TRIM71: variants seen among roughly 807,000 people sequenced by gnomAD.
TRIM71 encodes tripartite motif containing 71.
TRIM71 carries 9 observed loss-of-function variants against 61.2 expected under a neutral mutation model. The observed-to-expected ratio is 0.15, with a 90% CI of 0.09 to 0.26. TRIM71 has a LOEUF of 0.26. Among genes scored for constraint, TRIM71 ranks in the 10% least tolerant of loss-of-function variants. The pLI is 1.00. For synonymous variants in TRIM71, 645 were observed against 553.2 expected (o/e 1.17, Z -2.33); for missense variants, 998 against 1,238.7 (o/e 0.81, Z 2.92).
chr3:32,841,416 GCCTCTAAT>G (rs1319489970), intron 1 of TRIM71, among the ~76,000 whole-genome samples: 1 of 152,070 alleles, frequency 6.6e-6, no homozygotes, highest in Non-Finnish European at 1.5e-5. Flanking sequence ...GGTGGCTCAC[GCCTCTAAT>G]CCCAGCACTT....
Position 32,818,811 on chromosome 3 carries a change from G to T in TRIM71, c.731G>T (p.Gly244Val), listed in dbSNP as rs900192116. ...CACTACATCGAGCGCGGCCCGCCGG[G>T]TCCCGGTGCCGCAGCAGCGGCGCAG... ...KDHYIERGPP[G>V]PGAAAAAQQL... The change falls in exon 1 of 4, where the codon GGT becomes GTT. Residue 244 changes from glycine to valine, a missense_variant. Gly to Val is a moderately radical substitution (Grantham distance 109, BLOSUM62 -3). Around this residue, in one of 5 missense-constraint regions of TRIM71, gnomAD observed 527 missense variants for 427.8 expected, o/e 1.23. Coordinates refer to ENST00000383763, the MANE Select transcript of TRIM71 (RefSeq NM_001039111.3). 4 of 1,609,688 alleles carry T rather than the reference G, an allele frequency of 2.5e-6. No individual in the cohort carries two copies. The highest frequency in any genetic ancestry group is 3.4e-6 in the Non-Finnish European group (4 of 1,178,458).
At chr3:32,826,079 CT>C (rs1696197726) in intron 1 of TRIM71, among the ~76,000 whole-genome samples, 1 of 152,148 alleles carries the variant, frequency 6.6e-6, no homozygotes, top group African/African-American at 2.4e-5. Flanking sequence ...CATCTCTTGC[CT>C]TCCTCATGCT....
chr3:32,840,910 C>A (rs1696396649), intron 1 of TRIM71, among the ~76,000 whole-genome samples: 1 of 152,146 alleles, frequency 6.6e-6, no homozygotes, highest in African/African-American at 2.4e-5. Context: ...AGTGAGCCAG[C>A]TTTTATCTTA....
intron 1 of TRIM71, among the ~76,000 whole-genome samples, chr3:32,859,559 A>G (rs926279517): frequency 1.1e-4 from 16 of 152,112 alleles, no homozygotes; most frequent in Non-Finnish European, 2.1e-4. Flanking sequence ...TGCCTGGCCA[A>G]CTTTGGGGTT....
intron 2 of TRIM71, among the ~76,000 whole-genome samples, chr3:32,878,859 C>G (rs1046839309): frequency 5.9e-5 from 9 of 152,192 alleles, no homozygotes; most frequent in African/African-American, 2.2e-4. Context: ...TGAAGCCAGG[C>G]ATTGACTTCT....
At chr3:32,823,944 G>T (rs1308126727) in intron 1 of TRIM71, among the ~76,000 whole-genome samples, 3 of 151,874 alleles carry the variant, frequency 2.0e-5, no homozygotes, top group Admixed American at 2.0e-4. Flanking sequence ...GCGTGGTGGC[G>T]CGTGCCTGTA....
rs1363866215 is a variant in TRIM71, at chr3:32,879,140, ATC to A, written c.1020+5160_1020+5161del. ...AGCTTCAAACTTCTGCAGCTTCCTC[ATC>A]TCTCACCCTTCATAGCATTGAAGAG... is the stretch of plus-strand genomic sequence containing the variant. On this transcript the variant is annotated intron_variant, in intron 2 of 3. Transcript: ENST00000383763. 3.9e-5 allele frequency among the ~76,000 whole-genome samples: 6 copies of A among 152,286 alleles called. No individual in the cohort carries two copies. The East Asian group carries it at 1.2e-3, about 29-fold the overall frequency.
At chr3:32,819,013 C>T in intron 1 of TRIM71, 81 bp downstream of exon 1, 1 of 1,487,792 alleles carries the variant, frequency 6.7e-7, no homozygotes, top group Non-Finnish European at 9.2e-7. Flanking sequence ...GGTCCCACAG[C>T]GAGGGGAGGA....
chr3:32,843,828 G>A (rs1397821752), intron 1 of TRIM71, among the ~76,000 whole-genome samples: 1 of 152,096 alleles, frequency 6.6e-6, no homozygotes. Flanking sequence ...TGCAGAGCCG[G>A]CCCAGAAAGC....
intron 1 of TRIM71, among the ~76,000 whole-genome samples, chr3:32,854,598 CAAG>C (rs1200978133): frequency 6.6e-6 from 1 of 152,202 alleles, no homozygotes; most frequent in Non-Finnish European, 1.5e-5. Flanking sequence ...AGGCCTTACT[CAAG>C]GAGGAAACAA....
chr3:32,888,747 C>T (rs1696990063), intron 3 of TRIM71, among the ~76,000 whole-genome samples: 1 of 152,138 alleles, frequency 6.6e-6, no homozygotes, highest in Non-Finnish European at 1.5e-5. Flanking sequence ...ACTATGTTGG[C>T]CAGACTGGTT....
chr3:32,886,048 G>A lies in TRIM71; in HGVS notation c.1135G>A (p.Glu379Lys). Residue 379 changes from glutamate to lysine, a missense_variant, in exon 3 of 4, where the codon GAG becomes AAG. By Grantham distance (56) the Glu-to-Lys change is moderately conservative. Coordinates refer to ENST00000383763, the MANE Select transcript of TRIM71 (RefSeq NM_001039111.3). ...ARHKKALEERECELLWKVEKI... is the reference protein window; with the variant it reads ...ARHKKALEERKCELLWKVEKI... ...GCATAAGAAAGCCCTGGAGGAACGC[G>A]AGTGTGAGCTGCTGTGGAAGGTAAC... 2 of 1,613,760 alleles carry A rather than the reference G, an allele frequency of 1.2e-6. No individual in the cohort carries two copies. The highest frequency in any genetic ancestry group is 1.7e-6 in the Non-Finnish European group (2 of 1,179,844).
At chr3:32,862,934 ATAATAT>A (rs1210774369) in intron 1 of TRIM71, among the ~76,000 whole-genome samples, 1 of 152,192 alleles carries the variant, frequency 6.6e-6, no homozygotes, top group Non-Finnish European at 1.5e-5. Context: ...ATAACTTAAG[ATAATAT>A]TTATAGTAGA....
chr3:32,865,192 G>T (rs2125686325), intron 1 of TRIM71, among the ~76,000 whole-genome samples: 1 of 152,240 alleles, frequency 6.6e-6, no homozygotes, highest in Admixed American at 6.5e-5. Context: ...AGCTGGGTGT[G>T]GTGGCACGCG....
At chr3:32,863,188 A>G (rs968468007) in intron 1 of TRIM71, among the ~76,000 whole-genome samples, 26 of 135,280 alleles carry the variant, frequency 1.9e-4, no homozygotes, top group African/African-American at 7.3e-4. Flanking sequence ...AGGAGTATTA[A>G]TTGAACCTTT....
At chr3:32,825,233 AAG>A (rs1235622616) in intron 1 of TRIM71, among the ~76,000 whole-genome samples, 1 of 152,222 alleles carries the variant, frequency 6.6e-6, no homozygotes, top group East Asian at 1.9e-4. Flanking sequence ...TCACTGAAAA[AAG>A]GAACTAATAA....
intron 1 of TRIM71, among the ~76,000 whole-genome samples, chr3:32,851,506 C>G (rs531670519): frequency 6.6e-5 from 10 of 152,256 alleles, no homozygotes; most frequent in East Asian, 5.8e-4. Context: ...TTGAGACAGT[C>G]TTGCTCTGTC....
At chr3:32,821,338 C>T (rs1269582877) in intron 1 of TRIM71, among the ~76,000 whole-genome samples, 3 of 152,118 alleles carry the variant, frequency 2.0e-5, no homozygotes, top group Admixed American at 6.6e-5. Context: ...CCACAGGCTC[C>T]GTTAAATAAT....
At chr3:32,827,040 C>T (rs1024049676) in intron 1 of TRIM71, among the ~76,000 whole-genome samples, 3 of 152,084 alleles carry the variant, frequency 2.0e-5, no homozygotes, top group African/African-American at 7.2e-5. Flanking sequence ...CTGGTATTAA[C>T]AGGCATGAGC....
Sources: allele counts gnomAD v4.1 joint callset (sites outside exome capture counted in the v4.1 genomes callset), GRCh38; gene constraint gnomAD v4.1.1; regional missense constraint gnomAD v4.1.1; transcripts MANE v1.5; gene names NCBI Gene and HGNC (gene_info 2026-07-23, HGNC 2026-07-21).